FOCAD: variants seen among roughly 807,000 people sequenced by gnomAD.
FOCAD encodes the protein focadhesin.
A neutral mutation model predicts 225.6 loss-of-function variants in FOCAD; 198 were observed. The observed-to-expected ratio is 0.88, with a 90% confidence interval of 0.78 to 0.99. The LOEUF is 0.99. Among genes scored for constraint, FOCAD ranks in the 50% least tolerant of loss-of-function variants. FOCAD has a pLI of 0.00. For synonymous variants in FOCAD, 897 were observed against 755.0 expected (o/e 1.19, Z -3.08); for missense variants, 2,713 against 2,123.6 (o/e 1.28, Z -5.46).
At chr9:20,803,171 A>T (rs1822029491) in intron 11 of FOCAD, among the ~76,000 whole-genome samples, 1 of 152,140 alleles carries the variant, frequency 6.6e-6, no homozygotes, top group African/African-American at 2.4e-5. Flanking sequence ...GAAATACTAT[A>T]GATGCCTTGT....
chr9:20,797,366 A>G (rs1821234125), intron 11 of FOCAD, among the ~76,000 whole-genome samples: 1 of 152,296 alleles, frequency 6.6e-6, no homozygotes, highest in Middle Eastern at 3.4e-3. Context: ...AGTCATTGGT[A>G]GCTTGATGAG....
At chr9:20,777,633 G>A (rs976351076) in intron 8 of FOCAD, among the ~76,000 whole-genome samples, 1 of 151,584 alleles carries the variant, frequency 6.6e-6, no homozygotes, top group Non-Finnish European at 1.5e-5. Context: ...TACCTCCCTG[G>A]CACTAATATT....
intron 42 of FOCAD, among the ~76,000 whole-genome samples, chr9:20,991,806 C>G (rs1277463328): frequency 3.4e-5 from 3 of 87,648 alleles, no homozygotes; most frequent in African/African-American, 1.3e-4. Flanking sequence ...GATTGAGACT[C>G]TGTCTCAAAA....
At chr9:20,978,184 A>T (rs1251308524) in intron 36 of FOCAD, among the ~76,000 whole-genome samples, 155 bp from the exon 37 acceptor site, 1 of 152,204 alleles carries the variant, frequency 6.6e-6, no homozygotes, top group Non-Finnish European at 1.5e-5. Context: ...TTGCCTCATA[A>T]CTAACAAGTC....
chr9:20,794,966 G>A (rs1820900544), intron 11 of FOCAD, among the ~76,000 whole-genome samples: 2 of 152,044 alleles, frequency 1.3e-5, no homozygotes, highest in African/African-American at 4.8e-5. Flanking sequence ...ACGAATCTAA[G>A]CAAACAGAGA....
At chr9:20,987,488 A>G (rs904230715) in intron 40 of FOCAD, among the ~76,000 whole-genome samples, 2 of 151,900 alleles carry the variant, frequency 1.3e-5, no homozygotes, top group Non-Finnish European at 2.9e-5. Flanking sequence ...AGCCTGGGTG[A>G]CAGAGCGAGA....
chr9:20,952,894 C>T, intron 34 of FOCAD, 91 bp from the exon 35 acceptor site: 3 of 984,732 alleles, frequency 3.0e-6, no homozygotes, highest in Non-Finnish European at 4.8e-6. Flanking sequence ...CACTTTGTCT[C>T]TAGGTTGATA....
At chr9:20,752,492 A>G (rs570796712) in intron 5 of FOCAD, among the ~76,000 whole-genome samples, 69 of 152,078 alleles carry the variant, frequency 4.5e-4, no homozygotes, top group South Asian at 2.7e-3. Context: ...TATTTCTGAG[A>G]GCTCTGTTCT....
At chr9:20,817,385 G>C (rs138322276) in intron 11 of FOCAD, among the ~76,000 whole-genome samples, 1,952 of 152,026 alleles carry the variant, frequency 0.013, 42 homozygotes, top group African/African-American at 0.045. Context: ...ACCACCCCCT[G>C]CTTCTTACTT....
At chr9:20,756,492 T>G (rs1263856932) in intron 5 of FOCAD, among the ~76,000 whole-genome samples, 2 of 152,194 alleles carry the variant, frequency 1.3e-5, no homozygotes, top group African/African-American at 4.8e-5. Flanking sequence ...GGTAACATAT[T>G]AAAATTACCT....
chr9:20,728,388 T>A (rs750904207), intron 4 of FOCAD, among the ~76,000 whole-genome samples: 150 of 152,328 alleles, frequency 9.8e-4, no homozygotes, highest in Admixed American at 7.2e-4. Flanking sequence ...TACAATATTT[T>A]AAATAACTTT....
intron 24 of FOCAD, among the ~76,000 whole-genome samples, chr9:20,919,892 A>G (rs978124265): frequency 5.9e-5 from 9 of 151,978 alleles, no homozygotes; most frequent in South Asian, 4.2e-4. Flanking sequence ...CATTCAGGAC[A>G]TAGGCATGGG....
At chr9:20,685,391 A>G (rs1314067461) in intron 1 of FOCAD, among the ~76,000 whole-genome samples, 5 of 152,166 alleles carry the variant, frequency 3.3e-5, no homozygotes, top group Admixed American at 2.6e-4. Context: ...AACTGTGTTA[A>G]CAGGAAGTAA....
chr9:20,659,424 G>GAGAAAGAAAAAGAAAGAA (rs1554648288), intron 2 of FOCAD, among the ~76,000 whole-genome samples: 1 of 140,354 alleles, frequency 7.1e-6, no homozygotes, highest in Admixed American at 7.2e-5. Flanking sequence ...AGAAAGAAAG[G>GAGAAAGAAAAAGAAAGAA]AGAAAGAAAG....
intron 40 of FOCAD, among the ~76,000 whole-genome samples, chr9:20,987,072 A>AG (rs1476790231): frequency 1.3e-5 from 2 of 152,174 alleles, no homozygotes; most frequent in Non-Finnish European, 2.9e-5. Context: ...TGGAGACTAC[A>AG]TTCAAGTTCT....
intron 24 of FOCAD, 80 bp downstream of exon 24, chr9:20,917,017 G>T: frequency 2.5e-5 from 28 of 1,099,790 alleles, no homozygotes; most frequent in Middle Eastern, 2.2e-4. Flanking sequence ...CTCCTTTTAG[G>T]GCATTTCATA....
intron 18 of FOCAD, among the ~76,000 whole-genome samples, chr9:20,870,031 A>C (rs541667267): frequency 1.3e-5 from 2 of 152,310 alleles, no homozygotes; most frequent in South Asian, 4.1e-4. Context: ...AAAAACAAAC[A>C]AAAAAACTAT....
chr9:20,936,595 G>A (rs542739586), intron 28 of FOCAD, among the ~76,000 whole-genome samples: 28 of 152,218 alleles, frequency 1.8e-4, no homozygotes, highest in African/African-American at 6.5e-4. Context: ...TTGGGAGGCC[G>A]AGGCAGGTGG....
intron 19 of FOCAD, among the ~76,000 whole-genome samples, chr9:20,877,619 G>A (rs1406365107): frequency 2.6e-5 from 4 of 152,104 alleles, no homozygotes; most frequent in African/African-American, 4.8e-5. Flanking sequence ...TGGTGGTTGT[G>A]GGCTCCCAGG....
Sources: allele counts gnomAD v4.1 joint callset (sites outside exome capture counted in the v4.1 genomes callset), GRCh38; gene constraint gnomAD v4.1.1; transcripts MANE v1.5; gene names NCBI Gene and HGNC (gene_info 2026-07-23, HGNC 2026-07-21).